Variants in STEEP1 observed in about 807,000 individuals in gnomAD.
STEEP1 encodes STING1 ER exit protein 1.
In STEEP1, 3 loss-of-function variants were observed where a neutral mutation model predicts 19.2. That is an observed-to-expected ratio of 0.16 (90% CI 0.07 to 0.40). STEEP1 has a LOEUF of 0.40. Ranked by LOEUF, STEEP1 falls within the 10% of genes least tolerant of loss-of-function variation. The pLI is 0.99. For synonymous variants in STEEP1, 46 were observed against 63.7 expected, an observed-to-expected ratio of 0.72 and a Z score of 1.32; for missense variants, 54 against 177.1, an observed-to-expected ratio of 0.30 and a Z score of 3.94.
chrX:119,547,507 T>C (rs1042809120), intron 2 of STEEP1, among the ~76,000 whole-genome samples: 1 of 112,392 alleles, frequency 8.9e-6, no homozygotes, highest in South Asian at 3.6e-4. Flanking sequence ...TTTTTAGGAG[T>C]AAAGTTACAC....
intron 5 of STEEP1, 151 bp downstream of exon 5, chrX:119,542,354 C>G (rs1208582233): frequency 4.6e-6 from 2 of 433,823 alleles, no homozygotes. Flanking sequence ...GCGTGAGCCA[C>G]CACACCCAGC....
chrX:119,565,385 G>A lies in STEEP1; in HGVS notation c.-30C>T, dbSNP rs1466359458. ...CCCAAGAGCAATCTGAAAACTCTAC[G>A]CCAAGAAGAGGGTCGCCCCGAAATG... is the stretch of plus-strand genomic sequence containing the variant. On this transcript the variant is annotated 5_prime_UTR_variant, in exon 1 of 7. Transcript: ENST00000644802. 3.6e-6 allele frequency: 4 copies of A among 1,115,242 alleles called. No homozygotes were observed. Among genetic ancestry groups the A allele is most frequent in the Non-Finnish European group, 4.9e-6 (4 of 815,788 alleles). 91.9% of individuals were successfully genotyped at this position (1,115,242 alleles called of 1,213,427 possible).
chrX:119,548,264 G>C (rs1161233737), intron 2 of STEEP1, among the ~76,000 whole-genome samples: 1 of 111,320 alleles, frequency 9.0e-6, no homozygotes, highest in Admixed American at 9.6e-5. Context: ...GCTAGGTGCA[G>C]TGGCTCACGC....
At chrX:119,556,733 A>T (rs1412903482) in intron 2 of STEEP1, among the ~76,000 whole-genome samples, 1 of 111,522 alleles carries the variant, frequency 9.0e-6, no homozygotes, top group Non-Finnish European at 1.9e-5. Context: ...AACTGGCTAT[A>T]CAGTTCTGGG....
At chrX:119,554,349 G>A (rs1340571237) in intron 2 of STEEP1, among the ~76,000 whole-genome samples, 2 of 111,572 alleles carry the variant, frequency 1.8e-5, no homozygotes, top group Non-Finnish European at 3.8e-5. Context: ...GGAAGCTGAG[G>A]CAGGAGAATC....
intron 1 of STEEP1, 164 bp downstream of exon 1, chrX:119,565,068 G>A (rs1184552518): frequency 5.2e-6 from 4 of 776,275 alleles, no homozygotes; most frequent in Non-Finnish European, 7.1e-6. Context: ...AAAAAAAAAT[G>A]CCCTGGAGTG....
intron 2 of STEEP1, among the ~76,000 whole-genome samples, chrX:119,558,751 CA>C (rs1270702548): frequency 9.0e-6 from 1 of 111,181 alleles, no homozygotes; most frequent in Non-Finnish European, 1.9e-5. Context: ...CTATTTTCTG[CA>C]TCACCAGGTT....
At chrX:119,556,336 C>T (rs1393448394) in intron 2 of STEEP1, among the ~76,000 whole-genome samples, 2 of 110,672 alleles carry the variant, frequency 1.8e-5, no homozygotes, top group African/African-American at 6.6e-5. Context: ...GTAATCCCAG[C>T]ACTTTGGGAG....
At position 119,545,566 on chromosome X, in the gene STEEP1, T is replaced by C. The variant is rs2053197034; in HGVS notation, c.243-62A>G. The C allele has an allele frequency of 7.5e-6, 6 of 804,901 alleles. No homozygotes were observed. In the South Asian group the frequency reaches 1.3e-4, roughly 17 times the overall value. The allele number at this position is 804,901 out of a possible 1,213,427, so 66.3% of individuals were successfully genotyped here. On this transcript the variant is annotated intron_variant, in intron 2 of 6. Transcript: ENST00000644802. Reference sequence around the variant, plus strand: ...ATCTCATTATGTATCAACCTTACTATCCCATTTCTTCAAACGCTAAGAGGC... The same window carrying C: ...ATCTCATTATGTATCAACCTTACTACCCCATTTCTTCAAACGCTAAGAGGC...
chrX:119,540,942 A>G (rs767800220), intron 6 of STEEP1, among the ~76,000 whole-genome samples: 2 of 111,714 alleles, frequency 1.8e-5, no homozygotes, highest in South Asian at 7.4e-4. Context: ...GCTACTCAGG[A>G]GGCTGAGGCA....
chrX:119,552,695 A>G (rs1467110721), intron 2 of STEEP1, among the ~76,000 whole-genome samples: 7 of 112,439 alleles, frequency 6.2e-5, no homozygotes, highest in African/African-American at 2.3e-4. Context: ...CACATTATCT[A>G]AATCCAGCAA....
At chrX:119,548,697 C>A (rs1273070535) in intron 2 of STEEP1, among the ~76,000 whole-genome samples, 4 of 111,261 alleles carry the variant, frequency 3.6e-5, no homozygotes, top group Admixed American at 2.9e-4. Context: ...TATGATCCAG[C>A]AATCCCACTT....
At position 119,565,264 on chromosome X, in the gene STEEP1, T is replaced by C; in HGVS notation, c.92A>G (p.Tyr31Cys). Reference sequence around the variant, plus strand: ...TAGGACCATCTGGCCGCACAAACAGTAGTAAACATGGAGGGGCTTCTCGCC... The same window carrying C: ...TAGGACCATCTGGCCGCACAAACAGCAGTAAACATGGAGGGGCTTCTCGCC... ...DDGEKPLHVY[Y>C]CLCGQMVLVL... Residue 31 changes from tyrosine (Y) to cysteine (C), a missense_variant, in exon 1 of 7, where the codon TAC (tyrosine) becomes TGC (cysteine). This residue lies in a region of STEEP1 where 47 missense variants were observed against 118.5 expected (regional missense o/e 0.40). Coordinates refer to ENST00000644802, the MANE Select transcript of STEEP1 (RefSeq NM_022101.4). 1 of 1,209,483 alleles carries C rather than the reference T, an allele frequency of 8.3e-7. No homozygotes were observed. Among genetic ancestry groups the C allele is most frequent in the Non-Finnish European group, 1.1e-6 (1 of 894,191 alleles).
chrX:119,564,764 G>A (rs1367426188), intron 1 of STEEP1, among the ~76,000 whole-genome samples: 1 of 111,047 alleles, frequency 9.0e-6, no homozygotes, highest in Non-Finnish European at 1.9e-5. Flanking sequence ...AGCCAATATA[G>A]GCAACTCTTT....
chrX:119,546,709 C>G lies in STEEP1; in HGVS notation c.243-1205G>C, dbSNP rs959579535. ...ACCCACACGGCTGTTTAACAGAAAC[C>G]TGGGACTCATCCTTGATTCTTCTCT... On this transcript the variant is annotated intron_variant, in intron 2 of 6. Transcript: ENST00000644802. Among the ~76,000 whole-genome samples the G allele has an allele frequency of 2.7e-5, 3 of 111,109 alleles. No individual in the cohort carries two copies. In the East Asian group the frequency reaches 8.5e-4, roughly 31 times the overall value.
chrX:119,559,216 C>CAAA (rs767261970), intron 2 of STEEP1, among the ~76,000 whole-genome samples: 60 of 101,070 alleles, frequency 5.9e-4, no homozygotes, highest in African/African-American at 2.1e-3. Flanking sequence ...GAAACTCCGT[C>CAAA]AAAAAAAAAA....
intron 6 of STEEP1, among the ~76,000 whole-genome samples, chrX:119,540,890 A>G (rs2053158247): frequency 9.0e-6 from 1 of 110,651 alleles, no homozygotes; most frequent in Admixed American, 9.7e-5. Context: ...TACTAAAAAT[A>G]CAAAAATTAG....
At chrX:119,560,160 G>A in intron 2 of STEEP1, 108 bp downstream of exon 2, 1 of 539,994 alleles carries the variant, frequency 1.9e-6, no homozygotes, top group Non-Finnish European at 3.2e-6. Flanking sequence ...AAATGTCAAA[G>A]TATTGGGACC....
chrX:119,563,408 C>T (rs1016977400), intron 1 of STEEP1, among the ~76,000 whole-genome samples: 6 of 110,516 alleles, frequency 5.4e-5, no homozygotes, highest in South Asian at 3.9e-4. Flanking sequence ...ATTAGCCGGG[C>T]GTGGTGGCAC....
Sources: gnomAD v4.1 joint callset for allele counts (sites outside exome capture counted in the v4.1 genomes callset) on GRCh38, gnomAD v4.1.1 for gene constraint, gnomAD v4.1.1 regional missense constraint, MANE v1.5 for transcripts, NCBI Gene and HGNC (gene_info 2026-07-23, HGNC 2026-07-21) for gene names.